Variants in GNB5 observed in about 807,000 individuals in gnomAD.
GNB5 encodes guanine nucleotide-binding protein subunit beta-5.
GNB5 carries 37 observed loss-of-function variants against 55.3 expected under a neutral mutation model. The observed-to-expected ratio is 0.67, with a 90% CI of 0.51 to 0.88. The LOEUF (loss-of-function observed/expected upper bound fraction) is 0.88. GNB5 is among the 40% of genes least tolerant of loss of function. GNB5 has a pLI of 0.00. For synonymous variants in GNB5, 219 were observed against 198.5 expected (o/e 1.10, Z -0.87); for missense variants, 476 against 515.3 (o/e 0.92, Z 0.74).
At position 52,125,967 on chromosome 15, in the gene GNB5, G is replaced by A. The variant is rs1327735835; in HGVS notation, c.990C>T (p.Ser330=). The A allele has an allele frequency of 2.6e-6, 4 of 1,526,554 alleles. No individual in the cohort carries two copies. The highest frequency in any genetic ancestry group is 2.7e-5 in the African/African-American group (2 of 73,160). 94.6% of individuals were successfully genotyped at this position (1,526,554 alleles called of 1,614,324 possible). ...SKESIIFGAS[S]VDFSLSGRLL... The stretch of plus-strand genomic sequence containing the variant: ...TCTTACCACTGAGGGAGAAGTCCAC[G>A]CTGGATGCTCCAAATATGATGCTTT... The change falls in exon 11 of 13, where the codon AGC becomes AGT. Residue 330 remains serine, a synonymous_variant. Transcript: ENST00000261837.
intron 12 of GNB5, 78 bp downstream of exon 12, chr15:52,124,395 C>T: frequency 1.7e-6 from 2 of 1,201,374 alleles, no homozygotes; most frequent in Non-Finnish European, 2.4e-6. Context: ...CTCTGATAGC[C>T]TTCCCTCTGC....
intron 4 of GNB5, among the ~76,000 whole-genome samples, chr15:52,150,143 C>G (rs1294188401): frequency 6.6e-6 from 1 of 152,168 alleles, no homozygotes; most frequent in African/African-American, 2.4e-5. Flanking sequence ...AGTTCTCAAC[C>G]TTACATTCCT....
chr15:52,141,847 C>T (rs2033862467), intron 6 of GNB5, among the ~76,000 whole-genome samples: 1 of 152,240 alleles, frequency 6.6e-6, no homozygotes, highest in Non-Finnish European at 1.5e-5. Flanking sequence ...CTCCATAACA[C>T]CATTTAATAA....
chr15:52,141,228 T>C lies in GNB5; in HGVS notation c.539A>G (p.Lys180Arg), dbSNP rs757548161. 2.5e-6 allele frequency: 4 copies of C among 1,613,846 alleles called. No homozygotes were observed. The highest frequency in any genetic ancestry group is 2.2e-5 in the East Asian group (1 of 44,894). ...KCSVYPLTFD[K>R]NENMAAKKKS... ...CTTTTTGGCAGCCATGTTTTCATTT[T>C]TGTCAAACGTCAAGGGGTACACAGA... Residue 180 changes from lysine (K) to arginine (R), a missense_variant, in exon 7 of 13, where the codon AAA becomes AGA. Lys to Arg is a conservative substitution (Grantham distance 26). Coordinates refer to ENST00000261837, the MANE Select transcript of GNB5 (RefSeq NM_016194.4).
chr15:52,157,923 G>C (rs1309563049), intron 3 of GNB5, among the ~76,000 whole-genome samples: 1 of 151,518 alleles, frequency 6.6e-6, no homozygotes, highest in Non-Finnish European at 1.5e-5. Flanking sequence ...CTGGAAATGA[G>C]CTGAATATGT....
At chr15:52,152,283 GA>G (rs1422238201) in intron 4 of GNB5, among the ~76,000 whole-genome samples, 7 of 151,216 alleles carry the variant, frequency 4.6e-5, no homozygotes, top group Non-Finnish European at 1.0e-4. Context: ...GGGGTTGGGA[GA>G]AACCTATGCT....
chr15:52,179,900 G>T, intron 2 of GNB5, 21 bp from the exon 3 acceptor site: 1 of 1,509,736 alleles, frequency 6.6e-7, no homozygotes, highest in South Asian at 1.2e-5. Context: ...GGACGCAGCG[G>T]AGAGGGAAGC....
chr15:52,122,952 G>C (rs1471096231), intron 12 of GNB5, among the ~76,000 whole-genome samples, 184 bp from the exon 13 acceptor site: 1 of 150,772 alleles, frequency 6.6e-6, no homozygotes, highest in Non-Finnish European at 1.5e-5. Flanking sequence ...TGCCTTAGAA[G>C]GATAACACTG....
chr15:52,175,174 G>C (rs923274436), intron 3 of GNB5, among the ~76,000 whole-genome samples: 1 of 152,110 alleles, frequency 6.6e-6, no homozygotes, highest in Non-Finnish European at 1.5e-5. Context: ...CCTGACTAGG[G>C]CAGAGGCTAC....
chr15:52,124,926 A>G (rs982858804), intron 11 of GNB5: 9 of 251,228 alleles, frequency 3.6e-5, no homozygotes, highest in African/African-American at 2.0e-4. Context: ...GGGATTAAGG[A>G]GGGCACTGCA....
At chr15:52,128,268 T>A (rs1290632390) in intron 9 of GNB5, 24 bp from the exon 10 acceptor site, 4 of 1,558,688 alleles carry the variant, frequency 2.6e-6, no homozygotes, top group Non-Finnish European at 3.5e-6. Flanking sequence ...GTACTTTATC[T>A]ACGGTTGTGA....
chr15:52,179,958 G>T (rs1249077360), intron 2 of GNB5, 79 bp from the exon 3 acceptor site: 1 of 1,415,052 alleles, frequency 7.1e-7, no homozygotes, highest in Non-Finnish European at 9.2e-7. Context: ...TCCAGCAGCC[G>T]TCCCCGGCCC....
chr15:52,137,434 G>A, intron 7 of GNB5: 2 of 1,020,150 alleles, frequency 2.0e-6, no homozygotes, highest in Admixed American at 1.0e-4. Context: ...TAAATGAAAG[G>A]TGAGCCCGTT....
intron 6 of GNB5, among the ~76,000 whole-genome samples, chr15:52,145,226 T>C (rs1467773876): frequency 6.6e-6 from 1 of 151,964 alleles, no homozygotes; most frequent in Non-Finnish European, 1.5e-5. Flanking sequence ...TATTTACATA[T>C]ATATCTTTTA....
chr15:52,183,348 G>A, intron 2 of GNB5, among the ~76,000 whole-genome samples: 1 of 148,662 alleles, frequency 6.7e-6, no homozygotes, highest in African/African-American at 2.5e-5. Context: ...GGGGGGTAAG[G>A]CCCCCAGAAA....
intron 10 of GNB5, among the ~76,000 whole-genome samples, chr15:52,127,502 G>A (rs972289180): frequency 6.6e-6 from 1 of 151,858 alleles, no homozygotes; most frequent in African/African-American, 2.4e-5. Context: ...TTATAATTTT[G>A]TTACAATATA....
chr15:52,145,322 T>C (rs938582367), intron 6 of GNB5, among the ~76,000 whole-genome samples: 7 of 151,934 alleles, frequency 4.6e-5, no homozygotes, highest in Admixed American at 6.6e-5. Context: ...GGAGACACAA[T>C]CCACTTTTGA....
chr15:52,166,400 C>T (rs1057476657), intron 3 of GNB5, among the ~76,000 whole-genome samples: 18 of 152,208 alleles, frequency 1.2e-4, no homozygotes, highest in African/African-American at 4.3e-4. Flanking sequence ...TTCTCATCAC[C>T]ACATGCCATT....
intron 7 of GNB5, among the ~76,000 whole-genome samples, chr15:52,136,098 CAG>C (rs1555405436): frequency 2.5e-5 from 3 of 122,108 alleles, no homozygotes; most frequent in Non-Finnish European, 4.9e-5. Context: ...CACACACACA[CAG>C]GGAAAAGCAG....
Sources: gnomAD v4.1 joint callset for allele counts (sites outside exome capture counted in the v4.1 genomes callset) on GRCh38, gnomAD v4.1.1 for gene constraint, MANE v1.5 for transcripts, NCBI Gene and HGNC (gene_info 2026-07-23, HGNC 2026-07-21) for gene names.